The following MGAT4C variants were observed in gnomAD, a reference collection of about 807,000 sequenced individuals.
MGAT4C encodes the protein alpha-1,3-mannosyl-glycoprotein 4-beta-N-acetylglucosaminyltransferase C.
Under a neutral mutation model 40.1 loss-of-function variants are expected in MGAT4C, and 19 were observed. That is an observed-to-expected ratio of 0.47 (90% CI 0.33 to 0.70). The LOEUF is 0.70. Among genes scored for constraint, MGAT4C ranks in the 30% least tolerant of loss-of-function variants. The pLI is 0.02. For missense variants in MGAT4C, 491 were observed against 563.2 expected (o/e 0.87, Z 1.30); for synonymous variants, 181 against 187.1 (o/e 0.97, Z 0.27).
intron 3 of MGAT4C, among the ~76,000 whole-genome samples, chr12:86,416,620 A>T (rs1365683991): frequency 6.6e-6 from 1 of 152,122 alleles, no homozygotes; most frequent in Non-Finnish European, 1.5e-5. Flanking sequence ...TAACAGGAAC[A>T]AAGAAGTAGG....
chr12:86,568,408 T>A (rs1328222457), intron 2 of MGAT4C, among the ~76,000 whole-genome samples: 1 of 152,012 alleles, frequency 6.6e-6, no homozygotes, highest in African/African-American at 2.4e-5. Context: ...GCTCACAGAC[T>A]GAAAGCTGCC....
chr12:86,191,637 AC>A (rs776647012), intron 1 of MGAT4C, among the ~76,000 whole-genome samples: 1 of 41,216 alleles, frequency 2.4e-5, no homozygotes, highest in Non-Finnish European at 4.5e-5. Context: ...AACAAAACAC[AC>A]ACACACACAC....
At chr12:86,455,836 G>A (rs914848966) in intron 2 of MGAT4C, among the ~76,000 whole-genome samples, 2 of 151,842 alleles carry the variant, frequency 1.3e-5, no homozygotes, top group African/African-American at 2.4e-5. Context: ...ACCATTATTC[G>A]CAAGGTCTGG....
chr12:86,793,428 T>C (rs1249947826), intron 1 of MGAT4C, among the ~76,000 whole-genome samples: 1 of 152,152 alleles, frequency 6.6e-6, no homozygotes, highest in East Asian at 1.9e-4. Flanking sequence ...TCCTGGGTTT[T>C]AGAAATATTT....
At chr12:86,064,146 G>C (rs756327188) in intron 1 of MGAT4C, among the ~76,000 whole-genome samples, 2 of 152,134 alleles carry the variant, frequency 1.3e-5, no homozygotes, top group Non-Finnish European at 2.9e-5. Flanking sequence ...CCACATATTT[G>C]GATGTAAAAC....
chr12:86,800,250 C>T (rs973404025), intron 1 of MGAT4C, among the ~76,000 whole-genome samples: 1 of 151,844 alleles, frequency 6.6e-6, no homozygotes, highest in African/African-American at 2.4e-5. Flanking sequence ...CTCCAACTCT[C>T]ACTAAAGAAA....
chr12:86,505,105 A>T (rs950716006), intron 2 of MGAT4C, among the ~76,000 whole-genome samples: 15 of 152,148 alleles, frequency 9.9e-5, no homozygotes, highest in Non-Finnish European at 2.2e-4. Context: ...GCCAGTGATA[A>T]CGCCTGGTTA....
At chr12:86,588,548 T>C (rs1272184625) in intron 2 of MGAT4C, among the ~76,000 whole-genome samples, 2 of 151,912 alleles carry the variant, frequency 1.3e-5, no homozygotes, top group Non-Finnish European at 2.9e-5. Context: ...CGGCACCAAG[T>C]GGACCTAATA....
intron 3 of MGAT4C, among the ~76,000 whole-genome samples, chr12:86,335,744 A>G (rs893961012): frequency 2.0e-5 from 3 of 152,180 alleles, no homozygotes; most frequent in African/African-American, 7.2e-5. Flanking sequence ...GAATTTCTAT[A>G]CATCTCTGGA....
chr12:86,784,434 G>A (rs543650891), intron 1 of MGAT4C, among the ~76,000 whole-genome samples: 1 of 152,102 alleles, frequency 6.6e-6, no homozygotes, highest in South Asian at 2.1e-4. Flanking sequence ...AGCAAAAAGG[G>A]AATGTCATGT....
chr12:86,439,790 G>A (rs528950022), intron 2 of MGAT4C, among the ~76,000 whole-genome samples: 2 of 151,924 alleles, frequency 1.3e-5, no homozygotes, highest in South Asian at 4.1e-4. Context: ...TTAAAATAGA[G>A]ACATTACAAC....
In MGAT4C at chr12:86,594,351, A is replaced by C. The variant is rs565720431; in HGVS notation, c.-229+132858T>G. Among the ~76,000 whole-genome samples, 10 of 152,256 alleles carry C rather than the reference A, an allele frequency of 6.6e-5. No individual in the cohort carries two copies. The East Asian group carries it at 1.5e-3, about 24-fold the overall frequency. ...GTTTATCAATTTTAGTATATTTAAA[A>C]AAATAAGTGTTTCTTCATTTACTGT... is the stretch of plus-strand genomic sequence containing the variant. On this transcript the variant is annotated intron_variant, in intron 2 of 7. Transcript: ENST00000548651.
intron 3 of MGAT4C, among the ~76,000 whole-genome samples, chr12:86,408,662 T>C (rs1956538073): frequency 6.6e-6 from 1 of 151,508 alleles, no homozygotes; most frequent in African/African-American, 2.4e-5. Context: ...TTTATAATAA[T>C]TTTTGGTAGG....
chr12:86,050,621 T>C (rs1179614602), intron 1 of MGAT4C, among the ~76,000 whole-genome samples: 2 of 152,012 alleles, frequency 1.3e-5, no homozygotes, highest in East Asian at 3.9e-4. Flanking sequence ...TTATATACTC[T>C]TGAGGCACAG....
chr12:86,088,212 A>G (rs780314943), intron 1 of MGAT4C, among the ~76,000 whole-genome samples: 87 of 152,254 alleles, frequency 5.7e-4, no homozygotes, highest in Non-Finnish European at 7.8e-4. Flanking sequence ...TAGCATATAC[A>G]GAAATCAACT....
chr12:86,560,065 G>T (rs1959793389), intron 2 of MGAT4C, among the ~76,000 whole-genome samples: 1 of 151,800 alleles, frequency 6.6e-6, no homozygotes, highest in Non-Finnish European at 1.5e-5. Flanking sequence ...TGGACAAGTT[G>T]CTGGACACAT....
intron 2 of MGAT4C, among the ~76,000 whole-genome samples, chr12:85,999,565 ATG>A (rs1290099806): frequency 2.9e-4 from 29 of 100,234 alleles, no homozygotes; most frequent in South Asian, 2.3e-3. Flanking sequence ...GGTAAAGAAA[ATG>A]TGTGTGTGTG....
At chr12:86,427,853 T>C (rs1956959272) in intron 3 of MGAT4C, among the ~76,000 whole-genome samples, 1 of 152,084 alleles carries the variant, frequency 6.6e-6, no homozygotes, top group South Asian at 2.1e-4. Context: ...ACCCCGTCTC[T>C]ACTAAAAATA....
intron 2 of MGAT4C, among the ~76,000 whole-genome samples, chr12:86,034,494 T>A (rs1026432973): frequency 6.7e-6 from 1 of 149,506 alleles, no homozygotes; most frequent in East Asian, 1.9e-4. Flanking sequence ...CTCTCAGAAT[T>A]GACCAATTTT....
Sources: allele counts gnomAD v4.1 joint callset (sites outside exome capture counted in the v4.1 genomes callset), GRCh38; gene constraint gnomAD v4.1.1; transcripts MANE v1.5; gene names NCBI Gene and HGNC (gene_info 2026-07-23, HGNC 2026-07-21).